The following ELP4 variants were observed in gnomAD, a reference collection of about 807,000 sequenced individuals.
ELP4 encodes the protein elongator complex protein 4.
A neutral mutation model predicts 48.9 loss-of-function variants in ELP4; 51 were observed. That is an observed-to-expected ratio of 1.04 (90% CI 0.83 to 1.32). The LOEUF is 1.32. Among genes scored for constraint, ELP4 ranks in the 40% most tolerant of loss-of-function variants. ELP4 has a pLI of 0.00. For missense variants in ELP4, 519 were observed against 514.6 expected, an observed-to-expected ratio of 1.01 and a Z score of -0.08; for synonymous variants, 210 against 189.2, an observed-to-expected ratio of 1.11 and a Z score of -0.90.
intron 3 of ELP4, among the ~76,000 whole-genome samples, chr11:31,573,258 T>G (rs1957215978): frequency 6.6e-6 from 1 of 152,230 alleles, no homozygotes; most frequent in African/African-American, 2.4e-5. Context: ...ACCTCCAGTC[T>G]GCATCCGTAT....
intron 3 of ELP4, among the ~76,000 whole-genome samples, chr11:31,548,558 G>T (rs1205977549): frequency 3.9e-5 from 6 of 152,266 alleles, no homozygotes; most frequent in Admixed American, 2.6e-4. Flanking sequence ...TGGCCATACT[G>T]CCCAAGGTAA....
At chr11:31,568,407 T>C (rs1290348649) in intron 3 of ELP4, among the ~76,000 whole-genome samples, 1 of 152,144 alleles carries the variant, frequency 6.6e-6, no homozygotes, top group Non-Finnish European at 1.5e-5. Flanking sequence ...AAACTACCAA[T>C]GTCATTTTTC....
intron 3 of ELP4, among the ~76,000 whole-genome samples, chr11:31,587,718 G>A (rs905662308): frequency 6.6e-6 from 1 of 151,784 alleles, no homozygotes; most frequent in African/African-American, 2.4e-5. Flanking sequence ...CATATTTATG[G>A]GTAAGTGTAA....
chr11:31,602,700 C>G (rs909878453), intron 4 of ELP4, among the ~76,000 whole-genome samples: 3 of 151,782 alleles, frequency 2.0e-5, no homozygotes, highest in Non-Finnish European at 2.9e-5. Flanking sequence ...TAGTGTCAAG[C>G]AAATATGTCT....
intron 3 of ELP4, among the ~76,000 whole-genome samples, chr11:31,588,897 G>T (rs1477046523): frequency 6.6e-6 from 1 of 152,112 alleles, no homozygotes; most frequent in African/African-American, 2.4e-5. Flanking sequence ...GCATGAGAAT[G>T]GCTTGAGCCC....
intron 3 of ELP4, among the ~76,000 whole-genome samples, chr11:31,567,317 G>C (rs1367061720): frequency 6.6e-6 from 1 of 152,180 alleles, no homozygotes; most frequent in East Asian, 1.9e-4. Flanking sequence ...ATTCGTGCAA[G>C]CACTGTCCTG....
At chr11:31,537,387 C>G (rs570471502) in intron 2 of ELP4, among the ~76,000 whole-genome samples, 2 of 134,286 alleles carry the variant, frequency 1.5e-5, no homozygotes, top group African/African-American at 7.0e-5. Flanking sequence ...TTCCACATTA[C>G]CTTGATTGCT....
At chr11:31,701,930 T>A (rs1475437113) in intron 9 of ELP4, among the ~76,000 whole-genome samples, 2 of 152,110 alleles carry the variant, frequency 1.3e-5, no homozygotes. Flanking sequence ...TTATATATTA[T>A]TCCCAAAAAT....
chr11:31,708,248 A>G (rs377366617), intron 9 of ELP4, among the ~76,000 whole-genome samples: 26 of 152,190 alleles, frequency 1.7e-4, no homozygotes, highest in East Asian at 7.7e-4. Context: ...TCCTTAAAGC[A>G]TCATGATGTT....
At chr11:31,559,847 G>A (rs754527853) in intron 3 of ELP4, among the ~76,000 whole-genome samples, 3 of 149,428 alleles carry the variant, frequency 2.0e-5, no homozygotes, top group Non-Finnish European at 4.4e-5. Flanking sequence ...AGGTTGCGGC[G>A]AGCTGAGATT....
chr11:31,554,530 A>G (rs1177193533), intron 3 of ELP4, among the ~76,000 whole-genome samples: 2 of 152,196 alleles, frequency 1.3e-5, no homozygotes, highest in East Asian at 3.9e-4. Context: ...AATTACCACA[A>G]TCAAATTAAT....
At chr11:31,569,514 G>A (rs1252403118) in intron 3 of ELP4, among the ~76,000 whole-genome samples, 2 of 152,174 alleles carry the variant, frequency 1.3e-5, no homozygotes, top group Non-Finnish European at 2.9e-5. Flanking sequence ...ACTTTGGGAG[G>A]CCGAGGTGAG....
intron 9 of ELP4, among the ~76,000 whole-genome samples, chr11:31,726,383 G>A (rs1464574832): frequency 1.3e-5 from 2 of 152,084 alleles, no homozygotes; most frequent in African/African-American, 4.8e-5. Flanking sequence ...AATTTAAAAA[G>A]GAAGAAATAA....
At chr11:31,596,570 A>T (rs1410475796) in intron 4 of ELP4, among the ~76,000 whole-genome samples, 1 of 152,190 alleles carries the variant, frequency 6.6e-6, no homozygotes, top group Non-Finnish European at 1.5e-5. Flanking sequence ...ATAATGATAA[A>T]TGTATTTATT....
intron 9 of ELP4, among the ~76,000 whole-genome samples, chr11:31,761,006 A>G (rs1379376116): frequency 6.6e-6 from 1 of 152,228 alleles, no homozygotes; most frequent in Admixed American, 6.5e-5. Context: ...CTCTCTTAGG[A>G]ATTAAACTAT....
At chr11:31,619,610 C>T (rs1944572169) in intron 5 of ELP4, among the ~76,000 whole-genome samples, 2 of 151,290 alleles carry the variant, frequency 1.3e-5, no homozygotes, top group Non-Finnish European at 2.9e-5. Context: ...TTTATGAGTG[C>T]TCCACCCTCA....
At chr11:31,565,152 T>C (rs935611023) in intron 3 of ELP4, among the ~76,000 whole-genome samples, 6 of 152,222 alleles carry the variant, frequency 3.9e-5, no homozygotes, top group African/African-American at 1.4e-4. Flanking sequence ...TTTTCATGTG[T>C]CTGTTGGTTG....
intron 3 of ELP4, among the ~76,000 whole-genome samples, chr11:31,574,021 C>T (rs894753436): frequency 6.6e-6 from 1 of 152,178 alleles, no homozygotes; most frequent in Non-Finnish European, 1.5e-5. Flanking sequence ...AAGACATAGT[C>T]GTTGCCCTTA....
chr11:31,592,813 CTTG>C (rs1957605633), intron 3 of ELP4, among the ~76,000 whole-genome samples: 1 of 151,970 alleles, frequency 6.6e-6, no homozygotes, highest in African/African-American at 2.4e-5. Flanking sequence ...ATAGTCTCAT[CTTG>C]TTTAGATAAG....
Sources: gnomAD v4.1 joint callset for allele counts (sites outside exome capture counted in the v4.1 genomes callset) on GRCh38, gnomAD v4.1.1 for gene constraint, MANE v1.5 for transcripts, NCBI Gene and HGNC (gene_info 2026-07-23, HGNC 2026-07-21) for gene names.